Variants in ACACA observed in about 807,000 individuals in gnomAD.
ACACA encodes the protein acetyl-CoA carboxylase 1.
A neutral mutation model predicts 296.1 loss-of-function variants in ACACA; 103 were observed. The observed-to-expected ratio is 0.35, with a 90% CI of 0.30 to 0.41. The LOEUF is 0.41. Among genes scored for constraint, ACACA ranks in the 10% least tolerant of loss-of-function variants. The pLI, the probability that ACACA is intolerant of heterozygous loss-of-function variation, is 1.00. For missense variants in ACACA, 1,554 were observed against 2,989.7 expected (o/e 0.52, Z 11.20); for synonymous variants, 953 against 1,038.6 (o/e 0.92, Z 1.58).
chr17:37,238,243 T>C (rs2080209835), intron 24 of ACACA, among the ~76,000 whole-genome samples: 1 of 152,034 alleles, frequency 6.6e-6, no homozygotes, highest in African/African-American at 2.4e-5. Flanking sequence ...GAATTGATTT[T>C]TGTGTATAGG....
intron 1 of ACACA, among the ~76,000 whole-genome samples, chr17:37,390,302 A>AATTTTATATATATATAT (rs1568095743): frequency 0.085 from 3,330 of 39,262 alleles, 438 homozygotes; most frequent in Non-Finnish European, 0.1. Context: ...TATTATACAT[A>AATTTTATATATATATAT]ATTATATATA....
At chr17:37,304,217 T>C (rs899085568) in intron 3 of ACACA, among the ~76,000 whole-genome samples, 6 of 152,214 alleles carry the variant, frequency 3.9e-5, no homozygotes, top group African/African-American at 1.4e-4. Flanking sequence ...TTTTTAATTT[T>C]TTGAGACAGA....
chr17:37,247,055 A>C, intron 18 of ACACA, 79 bp from the exon 19 acceptor site: 1 of 1,539,376 alleles, frequency 6.5e-7, no homozygotes, highest in Non-Finnish European at 9.0e-7. Flanking sequence ...GTCAACCTTC[A>C]AAGAAAAAAA....
chr17:37,262,848 G>T (rs561077966), intron 11 of ACACA, among the ~76,000 whole-genome samples: 4 of 152,148 alleles, frequency 2.6e-5, no homozygotes, highest in Middle Eastern at 3.4e-3. Context: ...TCCCACCTCA[G>T]CCTCCCAAGC....
In ACACA at chr17:37,191,602, C is replaced by G. The variant is rs372780977; in HGVS notation, c.4417-327G>C. Among the ~76,000 whole-genome samples the G allele has an allele frequency of 2.6e-4, 40 of 152,238 alleles. No individual in the cohort carries two copies. The South Asian group carries it at 8.3e-3, about 32-fold the overall frequency. ...AACAGAGCTATTTAGAAAGGAAAAG[C>G]TGAAGAAAGGGTACGGCTATGGGAT... is the stretch of plus-strand genomic sequence containing the variant. On this transcript the variant is annotated intron_variant, in intron 37 of 55. Coordinates refer to ENST00000616317, the MANE Select transcript of ACACA (RefSeq NM_198834.3).
chr17:37,225,581 G>A (rs1007343620), intron 26 of ACACA: 9 of 187,736 alleles, frequency 4.8e-5, no homozygotes, highest in Non-Finnish European at 1.0e-4. Flanking sequence ...CAAGGAGAAC[G>A]CGTCAGGAAG....
chr17:37,299,326 C>G (rs972822655), intron 3 of ACACA: 1 of 1,613,858 alleles, frequency 6.2e-7, no homozygotes, highest in South Asian at 1.1e-5. Context: ...TCTGGAGAAC[C>G]CTCCATATCA....
chr17:37,213,627 G>T (rs967012643), intron 29 of ACACA, among the ~76,000 whole-genome samples: 11 of 152,140 alleles, frequency 7.2e-5, no homozygotes, highest in Admixed American at 6.5e-5. Flanking sequence ...CCACAATCTA[G>T]ACTTGGCATT....
chr17:37,292,772 G>A (rs1280668291), intron 3 of ACACA, among the ~76,000 whole-genome samples: 1 of 152,220 alleles, frequency 6.6e-6, no homozygotes, highest in African/African-American at 2.4e-5. Flanking sequence ...GCTGAGACAG[G>A]AGAATCGCTT....
chr17:37,214,175 G>C (rs935822487), intron 29 of ACACA, among the ~76,000 whole-genome samples: 7 of 152,162 alleles, frequency 4.6e-5, no homozygotes, highest in African/African-American at 1.7e-4. Context: ...ATAGGAGAAA[G>C]AGCAATTTGA....
At chr17:37,249,427 C>A (rs946744288) in intron 16 of ACACA, among the ~76,000 whole-genome samples, 4 of 152,130 alleles carry the variant, frequency 2.6e-5, no homozygotes, top group African/African-American at 7.2e-5. Flanking sequence ...TCAGTAATTG[C>A]AATACCATTT....
At chr17:37,366,317 A>G (rs909577840) in intron 1 of ACACA, among the ~76,000 whole-genome samples, 1 of 152,192 alleles carries the variant, frequency 6.6e-6, no homozygotes, top group Admixed American at 6.5e-5. Context: ...ATGAAACACA[A>G]TACATAATAA....
intron 45 of ACACA, among the ~76,000 whole-genome samples, chr17:37,146,366 G>T (rs746666159): frequency 2.7e-5 from 4 of 149,628 alleles, no homozygotes; most frequent in Non-Finnish European, 4.4e-5. Context: ...TGCATTATGG[G>T]AGTATGATAT....
At chr17:37,253,370 C>T (rs758585089) in intron 14 of ACACA, among the ~76,000 whole-genome samples, 3 of 151,588 alleles carry the variant, frequency 2.0e-5, no homozygotes, top group African/African-American at 7.3e-5. Flanking sequence ...CTAGCCTGGG[C>T]GACAGAGCGA....
chr17:37,255,762 T>C (rs892417791), intron 14 of ACACA, among the ~76,000 whole-genome samples: 2 of 152,168 alleles, frequency 1.3e-5, no homozygotes, highest in African/African-American at 4.8e-5. Flanking sequence ...TTTTGTTTTT[T>C]TGAGACGGAG....
At chr17:37,128,840 C>G (rs556394623) in intron 47 of ACACA, among the ~76,000 whole-genome samples, 2 of 152,210 alleles carry the variant, frequency 1.3e-5, no homozygotes, top group Non-Finnish European at 2.9e-5. Flanking sequence ...CTATTACTTA[C>G]TAAAGCAAGT....
At chr17:37,310,189 T>C (rs2084064373) in intron 3 of ACACA, among the ~76,000 whole-genome samples, 1 of 152,056 alleles carries the variant, frequency 6.6e-6, no homozygotes, top group Non-Finnish European at 1.5e-5. Flanking sequence ...TGGACTAAGG[T>C]GATTGCAAGT....
intron 30 of ACACA, 120 bp downstream of exon 30, chr17:37,210,347 G>A (rs77476454): frequency 0.049 from 43,389 of 894,122 alleles, 1,268 homozygotes; most frequent in Non-Finnish European, 0.063. Flanking sequence ...GGGGAGCTCA[G>A]GACTCCCTAG....
At chr17:37,286,080 AG>A (rs764107861) in intron 3 of ACACA, among the ~76,000 whole-genome samples, 3 of 152,012 alleles carry the variant, frequency 2.0e-5, no homozygotes, top group Non-Finnish European at 2.9e-5. Flanking sequence ...AGTAGAGACA[AG>A]GTTTCGCCAT....
Sources: gnomAD v4.1 joint callset for allele counts (sites outside exome capture counted in the v4.1 genomes callset) on GRCh38, gnomAD v4.1.1 for gene constraint, MANE v1.5 for transcripts, NCBI Gene and HGNC (gene_info 2026-07-23, HGNC 2026-07-21) for gene names.